The following TCF7L2 variants were observed in gnomAD, a reference collection of about 807,000 sequenced individuals.
TCF7L2 encodes the protein transcription factor 7 like 2.
A neutral mutation model predicts 77.9 loss-of-function variants in TCF7L2; 23 were observed. The ratio of observed to expected loss-of-function variants is 0.30; its 90% CI spans 0.21 to 0.42. The LOEUF is 0.42. Ranked by LOEUF, TCF7L2 falls within the 10% of genes least tolerant of loss-of-function variation. The probability of loss-of-function intolerance (pLI) is 1.00; values close to 1 mark genes in which losing one functional copy is unlikely to be tolerated. For missense variants in TCF7L2, 654 were observed against 793.1 expected (o/e 0.82, Z 2.11); for synonymous variants, 413 against 340.2 (o/e 1.21, Z -2.36).
intron 5 of TCF7L2, among the ~76,000 whole-genome samples, chr10:113,138,237 C>T (rs1323579211): frequency 1.3e-5 from 2 of 150,422 alleles, no homozygotes; most frequent in East Asian, 3.9e-4. Flanking sequence ...ACTTCCAGTT[C>T]CCTGCCACCC....
At chr10:113,023,638 A>C (rs1368104687) in intron 4 of TCF7L2, among the ~76,000 whole-genome samples, 11 of 151,710 alleles carry the variant, frequency 7.3e-5, no homozygotes, top group Non-Finnish European at 7.4e-5. Context: ...CACCCAGCTA[A>C]TTTTTCTATT....
chr10:113,017,414 C>T (rs900056365), intron 4 of TCF7L2, among the ~76,000 whole-genome samples: 4 of 152,256 alleles, frequency 2.6e-5, no homozygotes, highest in African/African-American at 9.6e-5. Context: ...CCCATGTGCC[C>T]ACTTCCTCCT....
At chr10:112,974,507 G>A (rs1477671451) in intron 4 of TCF7L2, among the ~76,000 whole-genome samples, 5 of 152,064 alleles carry the variant, frequency 3.3e-5, no homozygotes, top group Admixed American at 6.5e-5. Flanking sequence ...GCAGTGGCGC[G>A]ATCTCGGCTC....
rs550052652 is a variant in TCF7L2, at chr10:113,033,275, T to C, written c.451-6750T>C. The stretch of plus-strand genomic sequence containing the variant: ...TTCTTTTCTATTCTTCCTTTTTCTT[T>C]TGAGACCAGGTCTTGCTCTGTTGCT... On this transcript the variant is annotated intron_variant, in intron 4 of 13. Transcript: ENST00000627217. 2.0e-5 allele frequency among the ~76,000 whole-genome samples: 3 copies of C among 152,032 alleles called. No individual in the cohort carries two copies. The South Asian group carries it at 6.3e-4, about 32-fold the overall frequency.
chr10:113,062,975 T>C lies in TCF7L2; in HGVS notation c.552+22849T>C, dbSNP rs367637886. Reference sequence around the variant, plus strand: ...GTATCATGAATAATTAGTTGGGGACTGTGCATCAGGTCTCTCATTTTACAT... The same window carrying C: ...GTATCATGAATAATTAGTTGGGGACCGTGCATCAGGTCTCTCATTTTACAT... On this transcript the variant is annotated intron_variant, in intron 5 of 13. Transcript: ENST00000627217. Among the ~76,000 whole-genome samples the C allele has an allele frequency of 2.6e-5, 4 of 152,336 alleles. 1 individual carries two copies. The highest frequency in any genetic ancestry group is 9.6e-5 in the African/African-American group (4 of 41,574).
chr10:112,964,733 AT>A, intron 4 of TCF7L2, 109 bp downstream of exon 4: 1 of 774,828 alleles, frequency 1.3e-6, no homozygotes, highest in Non-Finnish European at 1.9e-6. Flanking sequence ...GATGATGATG[AT>A]GATGATGGTG....
At chr10:113,093,590 C>T (rs1205037204) in intron 5 of TCF7L2, among the ~76,000 whole-genome samples, 3 of 152,184 alleles carry the variant, frequency 2.0e-5, no homozygotes, top group Non-Finnish European at 4.4e-5. Context: ...CAGCCAGATT[C>T]GAACCCTTTA....
chr10:112,961,381 C>T (rs1221949028), intron 3 of TCF7L2, among the ~76,000 whole-genome samples: 2 of 151,990 alleles, frequency 1.3e-5, no homozygotes, highest in East Asian at 3.9e-4. Context: ...TTCGCAGTCT[C>T]ACCTCATATT....
At chr10:112,995,629 G>GTGA (rs1172986058) in intron 4 of TCF7L2, among the ~76,000 whole-genome samples, 3 of 152,156 alleles carry the variant, frequency 2.0e-5, no homozygotes, top group Admixed American at 6.5e-5. Flanking sequence ...GGGCTATTCT[G>GTGA]TGACTCAAAT....
intron 8 of TCF7L2, among the ~76,000 whole-genome samples, chr10:113,147,073 A>G (rs762734183): frequency 2.5e-4 from 38 of 152,218 alleles, no homozygotes; most frequent in Admixed American, 6.5e-5. Flanking sequence ...TGGCAGCAGT[A>G]TGTTTTAGTC....
chr10:113,069,135 G>C (rs1184772009), intron 5 of TCF7L2, among the ~76,000 whole-genome samples: 4 of 152,018 alleles, frequency 2.6e-5, no homozygotes, highest in Non-Finnish European at 5.9e-5. Flanking sequence ...AGGGGCCCGG[G>C]ATGGGGTACG....
At chr10:113,146,591 C>T (rs138396745) in intron 8 of TCF7L2, among the ~76,000 whole-genome samples, 58 of 150,464 alleles carry the variant, frequency 3.9e-4, no homozygotes, top group African/African-American at 1.2e-3. Context: ...TTTTAAATTT[C>T]GTAGTAGCCG....
intron 4 of TCF7L2, among the ~76,000 whole-genome samples, chr10:113,024,446 C>T (rs2048775108): frequency 6.6e-6 from 1 of 152,036 alleles, no homozygotes; most frequent in Admixed American, 6.6e-5. Flanking sequence ...TCATATACAT[C>T]CTATGAAGGA....
At position 113,134,418 on chromosome 10, in the gene TCF7L2, G is replaced by A. The variant is rs371660214; in HGVS notation, c.553-6766G>A. Among the ~76,000 whole-genome samples the A allele has an allele frequency of 2.6e-4, 40 of 152,346 alleles. No individual in the cohort carries two copies. The East Asian group carries it at 7.5e-3, about 29-fold the overall frequency. ...CTAGGTTGCACTGGCTGTGTCTCCT[G>A]TGGCCATCCCACCAGCAGAAATAGT... On this transcript the variant is annotated intron_variant, in intron 5 of 13. Coordinates refer to ENST00000627217, the MANE Select transcript of TCF7L2 (RefSeq NM_001146274.2).
rs1380409120 is a variant in TCF7L2, at chr10:113,017,668, T to C, written c.451-22357T>C. Among the ~76,000 whole-genome samples the C allele has an allele frequency of 2.0e-5, 3 of 152,154 alleles. 1 individual carries two copies. The highest frequency in any genetic ancestry group is 7.2e-5 in the African/African-American group (3 of 41,436). On this transcript the variant is annotated intron_variant, in intron 4 of 13. Coordinates refer to ENST00000627217, the MANE Select transcript of TCF7L2 (RefSeq NM_001146274.2). Reference sequence around the variant, plus strand: ...CTTCCTGCCCTCCATCCAGTGTCCTTCTACTTGCAGGATGTGTGCCCAGCA... The same window carrying C: ...CTTCCTGCCCTCCATCCAGTGTCCTCCTACTTGCAGGATGTGTGCCCAGCA...
chr10:112,954,134 A>G (rs1377800428), intron 3 of TCF7L2, among the ~76,000 whole-genome samples: 1 of 152,238 alleles, frequency 6.6e-6, no homozygotes, highest in African/African-American at 2.4e-5. Context: ...AGGAATGCAT[A>G]GGCAAGATAG....
chr10:112,957,737 A>G (rs959030626), intron 3 of TCF7L2, among the ~76,000 whole-genome samples: 1 of 152,094 alleles, frequency 6.6e-6, no homozygotes. Flanking sequence ...CTAGCCACAG[A>G]TGTGTTTCCT....
intron 5 of TCF7L2, among the ~76,000 whole-genome samples, chr10:113,091,503 C>T (rs531767133): frequency 3.3e-5 from 5 of 152,188 alleles, no homozygotes; most frequent in East Asian, 1.9e-4. Flanking sequence ...AAGGCTGAGG[C>T]GGGCAGATCA....
At chr10:113,083,079 A>G (rs1287919111) in intron 5 of TCF7L2, among the ~76,000 whole-genome samples, 1 of 151,982 alleles carries the variant, frequency 6.6e-6, no homozygotes, top group African/African-American at 2.4e-5. Flanking sequence ...TTGAGGGCTG[A>G]GGTAGACTTC....
Sources: gnomAD v4.1 joint callset for allele counts (sites outside exome capture counted in the v4.1 genomes callset) on GRCh38, gnomAD v4.1.1 for gene constraint, MANE v1.5 for transcripts, NCBI Gene and HGNC (gene_info 2026-07-23, HGNC 2026-07-21) for gene names.